EXOC4: variants seen among roughly 807,000 people sequenced by gnomAD.
The protein encoded by EXOC4 is SEC8-like 1.
In EXOC4, 71 loss-of-function variants were observed where a neutral mutation model predicts 107.2. That is an observed-to-expected ratio of 0.66 (90% confidence interval 0.55 to 0.81). The LOEUF is 0.81. Ranked by LOEUF, EXOC4 falls within the 30% of genes least tolerant of loss-of-function variation. The pLI, the probability that EXOC4 is intolerant of heterozygous loss-of-function variation, is 0.00. For missense variants in EXOC4, 1,108 were observed against 1,189.6 expected (o/e 0.93, Z 1.01); for synonymous variants, 456 against 441.2 (o/e 1.03, Z -0.42).
chr7:133,593,559 G>T (rs983198761), intron 9 of EXOC4, among the ~76,000 whole-genome samples: 1 of 152,214 alleles, frequency 6.6e-6, no homozygotes, highest in Non-Finnish European at 1.5e-5. Flanking sequence ...TCAGTTGTCA[G>T]ATCTATATGG....
intron 10 of EXOC4, among the ~76,000 whole-genome samples, chr7:133,735,046 T>TAA (rs3076789): frequency 2.2e-4 from 21 of 94,708 alleles, no homozygotes; most frequent in Non-Finnish European, 3.2e-4. Flanking sequence ...CCGTCTCTGC[T>TAA]AAAAAAAAAA....
chr7:133,298,752 A>T (rs115693119), intron 3 of EXOC4, among the ~76,000 whole-genome samples: 2,737 of 152,346 alleles, frequency 0.018, 87 homozygotes, highest in African/African-American at 0.063. Flanking sequence ...GAACCCCTAG[A>T]ACTATGCATA....
chr7:133,281,247 A>G (rs1414504363), intron 2 of EXOC4, among the ~76,000 whole-genome samples: 1 of 151,960 alleles, frequency 6.6e-6, no homozygotes, highest in Non-Finnish European at 1.5e-5. Flanking sequence ...ACTAACCTGC[A>G]CAATGTGCAC....
chr7:133,855,116 T>TATATAA (rs1798337710), intron 11 of EXOC4, among the ~76,000 whole-genome samples: 2 of 79,588 alleles, frequency 2.5e-5, no homozygotes, highest in Non-Finnish European at 4.7e-5. Flanking sequence ...TATATATAAA[T>TATATAA]ATATATATAT....
chr7:133,530,276 A>C (rs1800157228), intron 9 of EXOC4, among the ~76,000 whole-genome samples: 1 of 152,194 alleles, frequency 6.6e-6, no homozygotes, highest in Non-Finnish European at 1.5e-5. Flanking sequence ...TAATGGATAT[A>C]CAATCATGCA....
chr7:133,319,740 A>G (rs919395483), intron 5 of EXOC4, among the ~76,000 whole-genome samples: 2 of 151,916 alleles, frequency 1.3e-5, no homozygotes, highest in African/African-American at 4.8e-5. Context: ...TTGGCCTCCC[A>G]AAGTGTTTGG....
intron 9 of EXOC4, among the ~76,000 whole-genome samples, chr7:133,568,429 C>G (rs1278372122): frequency 1.3e-5 from 2 of 152,092 alleles, no homozygotes; most frequent in African/African-American, 4.8e-5. Context: ...AAGACTTCCA[C>G]CAGCTGAGGT....
chr7:133,406,767 A>G (rs950370763), intron 7 of EXOC4, among the ~76,000 whole-genome samples: 1 of 152,254 alleles, frequency 6.6e-6, no homozygotes. Flanking sequence ...TGATATTGAC[A>G]GTGTCAGTTG....
intron 7 of EXOC4, among the ~76,000 whole-genome samples, chr7:133,439,012 G>A (rs761866781): frequency 5.9e-5 from 9 of 152,116 alleles, no homozygotes; most frequent in Admixed American, 3.3e-4. Flanking sequence ...CTCTGTACAC[G>A]TGTGTGTTTG....
chr7:133,718,550 G>A (rs1408160580), intron 10 of EXOC4, among the ~76,000 whole-genome samples: 2 of 152,112 alleles, frequency 1.3e-5, no homozygotes, highest in African/African-American at 2.4e-5. Flanking sequence ...AGATAATCCT[G>A]CTTCTTGCAC....
chr7:133,340,452 A>G (rs1231026494), intron 5 of EXOC4, among the ~76,000 whole-genome samples: 1 of 110,000 alleles, frequency 9.1e-6, no homozygotes, highest in African/African-American at 3.4e-5. Context: ...GGATTTTTGT[A>G]TCTGTGTTCA....
chr7:133,933,890 G>A (rs2116709398), intron 13 of EXOC4, among the ~76,000 whole-genome samples: 1 of 152,322 alleles, frequency 6.6e-6, no homozygotes, highest in South Asian at 2.1e-4. Context: ...AAAACGTGAA[G>A]TTGTTTTTTG....
At chr7:133,579,513 G>A (rs1344091097) in intron 9 of EXOC4, among the ~76,000 whole-genome samples, 10 of 152,108 alleles carry the variant, frequency 6.6e-5, no homozygotes, top group Non-Finnish European at 1.3e-4. Flanking sequence ...ATTTTTAAGT[G>A]TAAAGTGTAC....
At chr7:133,684,701 A>G (rs1562906664) in intron 10 of EXOC4, among the ~76,000 whole-genome samples, 1 of 152,180 alleles carries the variant, frequency 6.6e-6, no homozygotes, top group Non-Finnish European at 1.5e-5. Context: ...GACCTTCTTT[A>G]GAGAGTAAGC....
intron 6 of EXOC4, among the ~76,000 whole-genome samples, chr7:133,361,909 T>G (rs1332235337): frequency 3.3e-5 from 5 of 152,216 alleles, no homozygotes; most frequent in African/African-American, 9.6e-5. Flanking sequence ...TATCTTCACT[T>G]TTTTAATGTT....
intron 11 of EXOC4, among the ~76,000 whole-genome samples, chr7:133,880,120 TC>T (rs1798934466): frequency 6.6e-6 from 1 of 152,142 alleles, no homozygotes; most frequent in South Asian, 2.1e-4. Context: ...GTCCTCCAGA[TC>T]CCAGTTCAGG....
chr7:133,674,647 A>G (rs1406637074), intron 10 of EXOC4, among the ~76,000 whole-genome samples: 1 of 152,204 alleles, frequency 6.6e-6, no homozygotes, highest in Non-Finnish European at 1.5e-5. Context: ...TGAAGAGCCT[A>G]TTAGCAGCAT....
rs774262890 is a variant in EXOC4 at position 133,253,078 on chromosome 7, C to G, written c.-24C>G. On this transcript the variant is annotated 5_prime_UTR_variant, in exon 1 of 18. Transcript: ENST00000253861. ...TACGCACCCTTGGCTTCCTTGGAGCCTAGCGGCTCTCCCCGCGTCCAAGAT... is the reference window on the plus strand; with the variant it reads ...TACGCACCCTTGGCTTCCTTGGAGCGTAGCGGCTCTCCCCGCGTCCAAGAT... 14 of 1,612,864 alleles carry G rather than the reference C, an allele frequency of 8.7e-6. No individual in the cohort carries two copies. In the Admixed American group the frequency reaches 2.2e-4, roughly 25 times the overall value.
chr7:133,571,189 A>T (rs925267227), intron 9 of EXOC4, among the ~76,000 whole-genome samples: 1 of 152,214 alleles, frequency 6.6e-6, no homozygotes, highest in Non-Finnish European at 1.5e-5. Context: ...AGGAGGAGAG[A>T]AAAGTTTCAG....
Sources: gnomAD v4.1 joint callset for allele counts (sites outside exome capture counted in the v4.1 genomes callset) on GRCh38, gnomAD v4.1.1 for gene constraint, MANE v1.5 for transcripts, NCBI Gene and HGNC (gene_info 2026-07-23, HGNC 2026-07-21) for gene names.